CADPS: variants seen among roughly 807,000 people sequenced by gnomAD.
CADPS encodes calcium-dependent secretion activator 1.
Under a neutral mutation model 167.3 loss-of-function variants are expected in CADPS, and 57 were observed. That is an observed-to-expected ratio of 0.34 (90% CI 0.28 to 0.42). The LOEUF is 0.42. Ranked by LOEUF, CADPS falls within the 20% of genes least tolerant of loss-of-function variation. The pLI, the probability that CADPS is intolerant of heterozygous loss-of-function variation, is 1.00. For synonymous variants in CADPS, 676 were observed against 635.3 expected (o/e 1.06, Z -0.96); for missense variants, 1,414 against 1,738.1 (o/e 0.81, Z 3.32).
At chr3:62,780,161 C>G (rs930570873) in intron 1 of CADPS, among the ~76,000 whole-genome samples, 2 of 152,174 alleles carry the variant, frequency 1.3e-5, no homozygotes, top group African/African-American at 4.8e-5. Flanking sequence ...GCGTGAGCCA[C>G]TGTGCCTGGC....
At chr3:62,757,266 T>A (rs1037395646) in intron 2 of CADPS, among the ~76,000 whole-genome samples, 1 of 152,142 alleles carries the variant, frequency 6.6e-6, no homozygotes, top group Non-Finnish European at 1.5e-5. Flanking sequence ...AGTTATAAGC[T>A]CTCAGCCCCA....
intron 1 of CADPS, among the ~76,000 whole-genome samples, chr3:62,797,162 T>C (rs2093469861): frequency 6.6e-6 from 1 of 152,002 alleles, no homozygotes; most frequent in African/African-American, 2.4e-5. Context: ...GTATGGTTTT[T>C]GTTTTTTGTT....
chr3:62,766,312 A>AT (rs1371299164), intron 1 of CADPS, among the ~76,000 whole-genome samples: 1 of 152,052 alleles, frequency 6.6e-6, no homozygotes, highest in Non-Finnish European at 1.5e-5. Context: ...CATGAGGGAA[A>AT]TTCTATATAA....
chr3:62,828,480 A>C (rs904256878), intron 1 of CADPS, among the ~76,000 whole-genome samples: 1 of 152,214 alleles, frequency 6.6e-6, no homozygotes. Context: ...AGCTTTTGCC[A>C]TAACGGCTTG....
intron 3 of CADPS, among the ~76,000 whole-genome samples, chr3:62,724,742 A>G (rs2076427149): frequency 6.6e-6 from 1 of 152,186 alleles, no homozygotes; most frequent in South Asian, 2.1e-4. Flanking sequence ...CAGCATCCTC[A>G]TTTCCCCAAC....
intron 28 of CADPS, among the ~76,000 whole-genome samples, chr3:62,432,319 T>C (rs906675665): frequency 6.6e-6 from 1 of 152,166 alleles, no homozygotes; most frequent in African/African-American, 2.4e-5. Context: ...AGTGAAATAA[T>C]TGACCCCAGG....
intron 6 of CADPS, among the ~76,000 whole-genome samples, chr3:62,637,106 T>C (rs994472087): frequency 6.6e-6 from 1 of 152,056 alleles, no homozygotes; most frequent in African/African-American, 2.4e-5. Context: ...TCCTGAGAGG[T>C]TACAATATGC....
intron 8 of CADPS, among the ~76,000 whole-genome samples, chr3:62,578,837 GA>G (rs2082838396): frequency 6.6e-6 from 1 of 152,034 alleles, no homozygotes. Context: ...TTATTGATAA[GA>G]AGTCAACAAG....
chr3:62,688,675 C>T (rs954883311), intron 3 of CADPS, among the ~76,000 whole-genome samples: 1 of 152,068 alleles, frequency 6.6e-6, no homozygotes, highest in East Asian at 1.9e-4. Context: ...CCTAGTCTGT[C>T]ATCATCTCTT....
intron 1 of CADPS, among the ~76,000 whole-genome samples, chr3:62,801,542 G>A (rs1488412324): frequency 6.6e-6 from 1 of 152,064 alleles, no homozygotes; most frequent in African/African-American, 2.4e-5. Flanking sequence ...TTCCTGTTGT[G>A]CTGTGGCTAT....
At chr3:62,530,830 T>C (rs1161316321) in intron 13 of CADPS, 1 of 1,259,954 alleles carries the variant, frequency 7.9e-7, no homozygotes, top group Non-Finnish European at 1.0e-6. Flanking sequence ...GAGGGGGTGG[T>C]CGCATGAGGC....
At chr3:62,827,123 TG>T (rs747669503) in intron 1 of CADPS, among the ~76,000 whole-genome samples, 2 of 152,122 alleles carry the variant, frequency 1.3e-5, no homozygotes, top group Non-Finnish European at 2.9e-5. Context: ...GCAGAGGGTG[TG>T]GGGGTGCTAT....
intron 21 of CADPS, among the ~76,000 whole-genome samples, chr3:62,486,219 G>T (rs1340279768): frequency 1.3e-5 from 2 of 152,154 alleles, no homozygotes; most frequent in Non-Finnish European, 2.9e-5. Context: ...GGCCAAGGCT[G>T]GTGGATCACG....
At chr3:62,449,204 T>A (rs2057683082) in intron 26 of CADPS, among the ~76,000 whole-genome samples, 1 of 152,220 alleles carries the variant, frequency 6.6e-6, no homozygotes, top group African/African-American at 2.4e-5. Flanking sequence ...TTTCTGGTGA[T>A]AGAGACCTCC....
At chr3:62,708,880 G>C (rs1216247555) in intron 3 of CADPS, among the ~76,000 whole-genome samples, 1 of 151,946 alleles carries the variant, frequency 6.6e-6, no homozygotes, top group Non-Finnish European at 1.5e-5. Flanking sequence ...CTTGGGACTG[G>C]AAGTCAAGCA....
At chr3:62,671,764 CTGTT>C (rs1187541952) in intron 3 of CADPS, among the ~76,000 whole-genome samples, 3 of 151,936 alleles carry the variant, frequency 2.0e-5, no homozygotes, top group Non-Finnish European at 2.9e-5. Flanking sequence ...GCAGTATTTT[CTGTT>C]TGTTTGTTTT....
At chr3:62,787,819 A>C (rs2092599552) in intron 1 of CADPS, among the ~76,000 whole-genome samples, 1 of 152,194 alleles carries the variant, frequency 6.6e-6, no homozygotes. Flanking sequence ...AGATTAAATG[A>C]GATAATATGT....
intron 28 of CADPS, among the ~76,000 whole-genome samples, chr3:62,437,001 C>T (rs1015061022): frequency 3.3e-5 from 5 of 151,864 alleles, no homozygotes; most frequent in African/African-American, 1.2e-4. Context: ...AACAAAAACA[C>T]ACACACATAC....
At chr3:62,531,241 TC>T (rs2073610818) in intron 13 of CADPS, among the ~76,000 whole-genome samples, 1 of 152,046 alleles carries the variant, frequency 6.6e-6, no homozygotes, top group Non-Finnish European at 1.5e-5. Flanking sequence ...TCTCTCTCTC[TC>T]TTTAAAAAAT....
Sources: gnomAD v4.1 joint callset for allele counts (sites outside exome capture counted in the v4.1 genomes callset) on GRCh38, gnomAD v4.1.1 for gene constraint, MANE v1.5 for transcripts, NCBI Gene and HGNC (gene_info 2026-07-23, HGNC 2026-07-21) for gene names.